Variants in SGCZ observed in about 807,000 individuals in gnomAD.
SGCZ encodes sarcoglycan zeta.
Under a neutral mutation model 41.3 loss-of-function variants are expected in SGCZ, and 40 were observed. The ratio of observed to expected loss-of-function variants is 0.97; its 90% CI spans 0.75 to 1.26. The LOEUF (loss-of-function observed/expected upper bound fraction) is 1.26, where lower values mean the gene tolerates loss of function less well. SGCZ is among the 50% of genes most tolerant of loss of function. SGCZ has a pLI of 0.00. For missense variants in SGCZ, 552 were observed against 369.8 expected (o/e 1.49, Z -4.04); for synonymous variants, 206 against 137.5 (o/e 1.50, Z -3.49).
intron 3 of SGCZ, among the ~76,000 whole-genome samples, chr8:14,262,620 A>G (rs1486104791): frequency 6.6e-6 from 1 of 151,874 alleles, no homozygotes; most frequent in African/African-American, 2.4e-5. Flanking sequence ...TCTACATTGT[A>G]GCGCTCAAAA....
chr8:14,571,764 A>G (rs1197102393), intron 1 of SGCZ, among the ~76,000 whole-genome samples: 1 of 152,198 alleles, frequency 6.6e-6, no homozygotes, highest in African/African-American at 2.4e-5. Context: ...CTAACTTAAA[A>G]TCGAGAAACA....
At chr8:14,237,239 T>C (rs923398170) in intron 4 of SGCZ, among the ~76,000 whole-genome samples, 1 of 152,140 alleles carries the variant, frequency 6.6e-6, no homozygotes, top group East Asian at 1.9e-4. Flanking sequence ...AATAATACAT[T>C]GGCAAGAGTA....
intron 1 of SGCZ, among the ~76,000 whole-genome samples, chr8:14,616,286 AAAAAAAAAG>A: frequency 6.6e-6 from 1 of 151,572 alleles, no homozygotes; most frequent in Admixed American, 6.6e-5. Context: ...CTGTCTCAAA[AAAAAAAAAG>A]AAAAAAAGAA....
intron 5 of SGCZ, among the ~76,000 whole-genome samples, chr8:14,112,071 G>A (rs898474785): frequency 5.9e-5 from 9 of 152,038 alleles, no homozygotes; most frequent in Non-Finnish European, 1.2e-4. Context: ...AGAAGAAGAG[G>A]TAGCACAAGA....
intron 1 of SGCZ, among the ~76,000 whole-genome samples, chr8:14,820,487 A>G (rs1802042778): frequency 6.6e-6 from 1 of 152,068 alleles, no homozygotes; most frequent in African/African-American, 2.4e-5. Flanking sequence ...ACCATAAACC[A>G]AATGGACTTA....
At chr8:14,381,102 A>G (rs75931583) in intron 2 of SGCZ, among the ~76,000 whole-genome samples, 10 of 152,126 alleles carry the variant, frequency 6.6e-5, no homozygotes, top group African/African-American at 2.2e-4. Flanking sequence ...TAAAAAAAAA[A>G]TACCTTTGTA....
chr8:14,578,265 A>G (rs1804777980), intron 1 of SGCZ, among the ~76,000 whole-genome samples: 2 of 152,222 alleles, frequency 1.3e-5, no homozygotes. Context: ...CCACCACCAT[A>G]CATGCACCTT....
At chr8:14,776,906 G>A (rs1378582702) in intron 1 of SGCZ, among the ~76,000 whole-genome samples, 3 of 152,186 alleles carry the variant, frequency 2.0e-5, no homozygotes, top group African/African-American at 2.4e-5. Flanking sequence ...CCACAGAAAT[G>A]TTAGAACAAT....
At chr8:14,842,194 G>A (rs981216581) in intron 1 of SGCZ, among the ~76,000 whole-genome samples, 9 of 152,162 alleles carry the variant, frequency 5.9e-5, no homozygotes, top group African/African-American at 9.6e-5. Context: ...GGAGTTCGAA[G>A]GACCAACAAG....
At chr8:14,713,522 C>T (rs1667423158) in intron 1 of SGCZ, among the ~76,000 whole-genome samples, 2 of 152,092 alleles carry the variant, frequency 1.3e-5, no homozygotes, top group Non-Finnish European at 2.9e-5. Context: ...ACACTTTACA[C>T]GTGTTGCTAA....
At chr8:14,804,666 T>C (rs918478378) in intron 1 of SGCZ, among the ~76,000 whole-genome samples, 1 of 141,020 alleles carries the variant, frequency 7.1e-6, no homozygotes, top group African/African-American at 2.6e-5. Context: ...CAGGATATTA[T>C]CCAGGAGAAC....
chr8:14,685,289 A>C (rs1808576189), intron 1 of SGCZ, among the ~76,000 whole-genome samples: 1 of 152,136 alleles, frequency 6.6e-6, no homozygotes, highest in Non-Finnish European at 1.5e-5. Context: ...TTTGGGGTGG[A>C]CATTTCCAAT....
At chr8:14,953,203 T>C (rs902518008) in intron 1 of SGCZ, among the ~76,000 whole-genome samples, 3 of 152,132 alleles carry the variant, frequency 2.0e-5, no homozygotes, top group Non-Finnish European at 4.4e-5. Context: ...GAAGCATGGC[T>C]GGGTGACCTC....
chr8:14,445,399 T>G (rs1800402135), intron 2 of SGCZ, among the ~76,000 whole-genome samples: 1 of 152,108 alleles, frequency 6.6e-6, no homozygotes, highest in Non-Finnish European at 1.5e-5. Context: ...CAGACTCACT[T>G]GGTAGAGGGA....
chr8:14,923,008 T>G (rs750280832), intron 1 of SGCZ, among the ~76,000 whole-genome samples: 1 of 152,228 alleles, frequency 6.6e-6, no homozygotes, highest in Non-Finnish European at 1.5e-5. Flanking sequence ...TTCTACACAT[T>G]AGGTTTTGCC....
At chr8:14,795,739 T>C (rs1403526704) in intron 1 of SGCZ, among the ~76,000 whole-genome samples, 1 of 152,174 alleles carries the variant, frequency 6.6e-6, no homozygotes, top group African/African-American at 2.4e-5. Flanking sequence ...ACTTGTCTCA[T>C]GGAGGTTTGT....
chr8:15,070,936 T>A (rs1805328931), intron 1 of SGCZ, among the ~76,000 whole-genome samples: 1 of 152,180 alleles, frequency 6.6e-6, no homozygotes, highest in Non-Finnish European at 1.5e-5. Context: ...CTCAGTTAAG[T>A]GGAGAAATAA....
intron 1 of SGCZ, among the ~76,000 whole-genome samples, chr8:14,947,839 GC>G (rs1212507128): frequency 6.6e-6 from 1 of 152,118 alleles, no homozygotes; most frequent in East Asian, 1.9e-4. Flanking sequence ...CATTTAGTTT[GC>G]CTTATAGGCA....
At chr8:15,097,883 C>CACGT (rs1491179240) in intron 1 of SGCZ, among the ~76,000 whole-genome samples, 7 of 16,928 alleles carry the variant, frequency 4.1e-4, no homozygotes, top group African/African-American at 1.4e-3. Flanking sequence ...TATATATATA[C>CACGT]GTGTGTATAT....
Sources: allele counts gnomAD v4.1 joint callset (sites outside exome capture counted in the v4.1 genomes callset), GRCh38; gene constraint gnomAD v4.1.1; transcripts MANE v1.5; gene names NCBI Gene and HGNC (gene_info 2026-07-23, HGNC 2026-07-21).